The following HNRNPA2B1 variants were observed in gnomAD, a reference collection of about 807,000 sequenced individuals.
The protein encoded by HNRNPA2B1 is heterogeneous nuclear ribonucleoproteins A2/B1.
A neutral mutation model predicts 46.3 loss-of-function variants in HNRNPA2B1; 3 were observed. The ratio of observed to expected loss-of-function variants is 0.06; its 90% CI spans 0.03 to 0.17. HNRNPA2B1 has a LOEUF of 0.17. HNRNPA2B1 is among the 10% of genes least tolerant of loss of function. The pLI, the probability that HNRNPA2B1 is intolerant of heterozygous loss-of-function variation, is 1.00. For synonymous variants in HNRNPA2B1, 225 were observed against 133.8 expected (o/e 1.68, Z -4.70); for missense variants, 221 against 418.9 (o/e 0.53, Z 4.12).
intron 7 of HNRNPA2B1, among the ~76,000 whole-genome samples, chr7:26,194,872 G>C (rs1391304050): frequency 6.6e-6 from 1 of 151,404 alleles, no homozygotes; most frequent in Non-Finnish European, 1.5e-5. Context: ...AAGGTGGGCA[G>C]TTCACGAGGT....
At chr7:26,197,786 A>G (rs780989271) in intron 1 of HNRNPA2B1, 54 bp from the exon 2 acceptor site, 2 of 1,599,134 alleles carry the variant, frequency 1.3e-6, no homozygotes, top group East Asian at 2.2e-5. Context: ...CTTTGTATGC[A>G]GGAAATTAAA....
rs1782855679 is a variant in HNRNPA2B1 at position 26,191,047 on chromosome 7, T to C, written c.*1313A>G. On this transcript the variant is annotated 3_prime_UTR_variant, in exon 11 of 11. Coordinates refer to ENST00000618183, the MANE Select transcript of HNRNPA2B1 (RefSeq NM_002137.4). ...CAAGAAAAGCTTTATTAATGATCACTTGGCTTGCCTCAGCTGTTGAAATGA... is the reference window on the plus strand; with the variant it reads ...CAAGAAAAGCTTTATTAATGATCACCTGGCTTGCCTCAGCTGTTGAAATGA... 6.6e-6 allele frequency: 1 copy of C among 152,588 alleles called. No individual in the cohort carries two copies. Among genetic ancestry groups the C allele is most frequent in the African/African-American group, 2.4e-5 (1 of 41,444 alleles). 9.5% of individuals were successfully genotyped at this position (152,588 alleles called of 1,614,324 possible).
At chr7:26,197,102 G>T (rs768006021) in intron 3 of HNRNPA2B1, 85 bp from the exon 4 acceptor site, 3 of 1,167,922 alleles carry the variant, frequency 2.6e-6, no homozygotes, top group South Asian at 2.7e-5. Flanking sequence ...ACCATACTTC[G>T]CTTGTATCCA....
rs566326681 is a variant in HNRNPA2B1 at position 26,195,833 on chromosome 7, A to T, written c.721+14T>A. The T allele has an allele frequency of 4.4e-6, 7 of 1,608,730 alleles. No homozygotes were observed. The highest frequency in any genetic ancestry group is 4.0e-5 in the African/African-American group (3 of 74,592). The stretch of plus-strand genomic sequence containing the variant: ...TAGTCACATAAACAAACCAAAACGT[A>T]GAGGAAAACTGACCTCCAGGTCCTC... On this transcript the variant is annotated intron_variant, in intron 7 of 10. Transcript: ENST00000618183.
chr7:26,197,190 G>C, intron 3 of HNRNPA2B1, 125 bp downstream of exon 3: 2 of 1,273,526 alleles, frequency 1.6e-6, no homozygotes, highest in Non-Finnish European at 2.2e-6. Context: ...AAATGGTCCA[G>C]AAACCCAACA....
chr7:26,197,159 G>A (rs1783737016), intron 3 of HNRNPA2B1, 142 bp from the exon 4 acceptor site: 2 of 1,157,384 alleles, frequency 1.7e-6, no homozygotes, highest in African/African-American at 1.5e-5. Flanking sequence ...CCTAGCTTTT[G>A]AAAAATAAGC....
chr7:26,196,201 C>A (rs753338242), intron 6 of HNRNPA2B1, among the ~76,000 whole-genome samples, 200 bp downstream of exon 6: 1 of 152,178 alleles, frequency 6.6e-6, no homozygotes, highest in African/African-American at 2.4e-5. Flanking sequence ...CATTATTAAT[C>A]CAGATAAATA....
chr7:26,196,994 A>G lies in HNRNPA2B1; in HGVS notation c.288T>C (p.His96=), dbSNP rs142061533. 591 of 1,613,306 alleles carry G rather than the reference A, an allele frequency of 3.7e-4. 1 individual carries two copies. The African/African-American group carries it at 7.1e-3, about 19-fold the overall frequency. The change falls in exon 4 of 11, where the codon CAT becomes CAC. Residue 96 remains histidine (H), a synonymous_variant. Coordinates refer to ENST00000618183, the MANE Select transcript of HNRNPA2B1 (RefSeq NM_002137.4). ...CAACAAACAGCTTCTTCACAGTTACATGAGCCCCTGGTTTTCCAGATTCCT... is the reference window on the plus strand; with the variant it reads ...CAACAAACAGCTTCTTCACAGTTACGTGAGCCCCTGGTTTTCCAGATTCCT... ...AREESGKPGA[H]VTVKKLFVGG...
chr7:26,198,083 G>A (rs948740161), intron 1 of HNRNPA2B1: 1 of 381,260 alleles, frequency 2.6e-6, no homozygotes, highest in Non-Finnish European at 4.6e-6. Context: ...ATTATCAAAG[G>A]ATTATTAAAG....
At position 26,193,318 on chromosome 7, in the gene HNRNPA2B1, A is replaced by T. The variant is rs765960484; in HGVS notation, c.897T>A (p.Ser299=). ...TTCCACTCTTCATTGGACCGTAGTT[A>T]GAAGGTTGCTGGTTATAATTTCCAA... is the stretch of plus-strand genomic sequence containing the variant. ...NDFGNYNQQP[S]NYGPMKSGNF... is the part of the protein sequence containing the mutation. The change falls in exon 9 of 11, where the codon TCT becomes TCA. Residue 299 remains serine, a synonymous_variant. Transcript: ENST00000618183. 2.5e-6 allele frequency: 4 copies of T among 1,612,530 alleles called. No individual in the cohort carries two copies. The highest frequency in any genetic ancestry group is 3.4e-6 in the Non-Finnish European group (4 of 1,178,582).
chr7:26,192,566 G>A lies in HNRNPA2B1; in HGVS notation c.976C>T (p.Pro326Ser). 6.2e-7 allele frequency: 1 copy of A among 1,613,846 alleles called. No individual in the cohort carries two copies. The highest frequency in any genetic ancestry group is 8.5e-7 in the Non-Finnish European group (1 of 1,179,798). Residue 326 changes from proline to serine, a missense_variant, in exon 10 of 11, where the codon CCA (proline) becomes TCA (serine). Pro to Ser is a moderately conservative substitution (Grantham distance 74). Coordinates refer to ENST00000618183, the MANE Select transcript of HNRNPA2B1 (RefSeq NM_002137.4). ...CCCCCACTTCCTCCACTGCCTCCTG[G>A]ACCATAGTTTCCTATAATTGTTGGA... The part of the protein sequence containing the change: ...GGPYGGGNYG[P>S]GGSGGSGGYG...
At chr7:26,192,738 T>C (rs1333819519) in intron 9 of HNRNPA2B1, among the ~76,000 whole-genome samples, 161 bp from the exon 10 acceptor site, 2 of 152,254 alleles carry the variant, frequency 1.3e-5, no homozygotes, top group East Asian at 1.9e-4. Context: ...GATAAATTAC[T>C]CGGGTTCATA....
In HNRNPA2B1 at chr7:26,191,673, A is replaced by G. The variant is rs1782930501; in HGVS notation, c.*687T>C. The G allele has an allele frequency of 6.6e-6, 1 of 152,246 alleles. No homozygotes were observed. Among genetic ancestry groups the G allele is most frequent in the Non-Finnish European group, 1.5e-5 (1 of 68,040 alleles). 9.4% of individuals were successfully genotyped at this position (152,246 alleles called of 1,614,324 possible). A position where few individuals can be genotyped will look rare whatever the true frequency, so the allele number is the denominator to read the frequency against. ...GATCTAAAAAGGTGTTTCTCCTTGC[A>G]GAGATATCCCTTAAGTTATCTACAT... is the stretch of plus-strand genomic sequence containing the variant. On this transcript the variant is annotated 3_prime_UTR_variant, in exon 11 of 11. Coordinates refer to ENST00000618183, the MANE Select transcript of HNRNPA2B1 (RefSeq NM_002137.4).
intron 1 of HNRNPA2B1, chr7:26,198,426 C>A (rs1049962357): frequency 3.9e-5 from 6 of 152,370 alleles, no homozygotes; most frequent in African/African-American, 1.4e-4. Flanking sequence ...GCACTCGAAG[C>A]TTAAAAAGTT....
chr7:26,193,359 C>A lies in HNRNPA2B1; in HGVS notation c.856G>T (p.Gly286Ter). ...TAATTTCCAAAATCATTGTAATTTC[C>A]ACTTCCATAATTTCCTATTAAAAAA... Reference protein sequence around the residue: ...DNYGGGNYGSGNYNDFGNYNQ... With the variant: ...DNYGGGNYGS The change falls in exon 9 of 11, where the codon GGA becomes TGA. Residue 286 changes from glycine (G) to a stop codon, truncating the protein, a stop_gained. Coordinates refer to ENST00000618183, the MANE Select transcript of HNRNPA2B1 (RefSeq NM_002137.4). LOFTEE classifies it high-confidence loss of function. The A allele has an allele frequency of 6.2e-7, 1 of 1,610,990 alleles. No individual in the cohort carries two copies. Among genetic ancestry groups the A allele is most frequent in the South Asian group, 1.1e-5 (1 of 90,906 alleles).
chr7:26,194,696 G>GA (rs1012193747), intron 7 of HNRNPA2B1, among the ~76,000 whole-genome samples: 17 of 146,886 alleles, frequency 1.2e-4, no homozygotes, highest in South Asian at 6.5e-4. Flanking sequence ...CCATTTCAAA[G>GA]AAAAAAAACA....
chr7:26,198,058 CAA>C, intron 1 of HNRNPA2B1: 1 of 412,982 alleles, frequency 2.4e-6, no homozygotes, highest in Non-Finnish European at 4.2e-6. Context: ...GAAAAATAAA[CAA>C]ATGTAGACCG....
chr7:26,196,645 A>G lies in HNRNPA2B1; in HGVS notation c.489T>C (p.His163=), dbSNP rs773873036. 1.2e-6 allele frequency: 2 copies of G among 1,613,472 alleles called. No homozygotes were observed. Among genetic ancestry groups the G allele is most frequent in the Non-Finnish European group, 1.7e-6 (2 of 1,179,480 alleles). The stretch of plus-strand genomic sequence containing the variant: ...CTTCTGCATTATGACCATTGATGGT[A>G]TGGTATTTCTGCACTGGAATGAAAA... ...PVDKIVLQKY[H]TINGHNAEVR... The change falls in exon 5 of 11, where the codon CAT becomes CAC. Residue 163 remains histidine (H), a synonymous_variant. Transcript: ENST00000618183.
intron 7 of HNRNPA2B1, among the ~76,000 whole-genome samples, chr7:26,194,648 A>G (rs1036907135): frequency 3.3e-5 from 5 of 151,962 alleles, no homozygotes; most frequent in African/African-American, 1.2e-4. Flanking sequence ...AGCCAAGATC[A>G]CACCACTGCA....
Sources: allele counts gnomAD v4.1 joint callset (sites outside exome capture counted in the v4.1 genomes callset), GRCh38; gene constraint gnomAD v4.1.1; transcripts MANE v1.5; gene names NCBI Gene and HGNC (gene_info 2026-07-23, HGNC 2026-07-21).